Variants in P3H2 observed in about 807,000 individuals in gnomAD.
P3H2 encodes prolyl 3-hydroxylase 2.
Under a neutral mutation model 87.0 loss-of-function variants are expected in P3H2, and 80 were observed. That is an observed-to-expected ratio of 0.92 (90% CI 0.77 to 1.11). P3H2 has a LOEUF of 1.11. Ranked by LOEUF, P3H2 falls within the 50% of genes least tolerant of loss-of-function variation. The probability of loss-of-function intolerance (pLI) is 0.00; values close to 1 mark genes in which losing one functional copy is unlikely to be tolerated. For missense variants in P3H2, 1,001 were observed against 923.9 expected, an observed-to-expected ratio of 1.08 and a Z score of -1.08; for synonymous variants, 367 against 359.3, an observed-to-expected ratio of 1.02 and a Z score of -0.24.
At chr3:190,098,756 G>A (rs1003680037) in intron 1 of P3H2, among the ~76,000 whole-genome samples, 13 of 152,122 alleles carry the variant, frequency 8.5e-5, no homozygotes, top group African/African-American at 1.7e-4. Flanking sequence ...AACAGTTTCA[G>A]ACTTAACAAT....
chr3:190,090,374 A>T (rs933293712), intron 1 of P3H2, among the ~76,000 whole-genome samples: 4 of 152,172 alleles, frequency 2.6e-5, no homozygotes, highest in Non-Finnish European at 5.9e-5. Flanking sequence ...TATTTTTCAC[A>T]GTTCTCACTG....
At chr3:190,028,286 C>CT (rs754919655) in intron 1 of P3H2, among the ~76,000 whole-genome samples, 32 of 152,160 alleles carry the variant, frequency 2.1e-4, no homozygotes, top group Non-Finnish European at 3.5e-4. Context: ...AATTTTTAGG[C>CT]TGGCCTCTCA....
At position 189,957,699 on chromosome 3, in the gene P3H2, GAA is replaced by G; in HGVS notation, c.*211_*212del. ...CAACATGGTTAGACCATGTCTCTAA[GAA>G]GAGAGAGAGAGAGAGAGAGAGAGAA... is the stretch of plus-strand genomic sequence containing the variant. On this transcript the variant is annotated 3_prime_UTR_variant, in exon 15 of 15. Coordinates refer to ENST00000319332, the MANE Select transcript of P3H2 (RefSeq NM_018192.4). The G allele has an allele frequency of 2.4e-6, 1 of 409,964 alleles. No individual in the cohort carries two copies. The highest frequency in any genetic ancestry group is 4.2e-5 in the Admixed American group (1 of 23,904). 25.4% of individuals were successfully genotyped at this position (409,964 alleles called of 1,614,324 possible). A position where few individuals can be genotyped will look rare whatever the true frequency, so the allele number is the denominator to read the frequency against.
At position 190,007,965 on chromosome 3, in the gene P3H2, C is replaced by CACACACACACACACACATATATAT; in HGVS notation, c.481-12524_481-12523insATATATATGTGTGTGTGTGTGTGT. 2.2e-3 allele frequency among the ~76,000 whole-genome samples: 210 copies of CACACACACACACACACATATATAT among 94,342 alleles called. 3 individuals are homozygous for CACACACACACACACACATATATAT. Among genetic ancestry groups the CACACACACACACACACATATATAT allele is most frequent in the African/African-American group, 7.6e-3 (196 of 25,622 alleles). 61.9% of individuals were successfully genotyped at this position (94,342 alleles called of 152,430 possible). On this transcript the variant is annotated intron_variant, in intron 1 of 14. Coordinates refer to ENST00000319332, the MANE Select transcript of P3H2 (RefSeq NM_018192.4). ...GCCTGAGACTCTATTTGTTGACACACATATATATATATATATATATAGTAA... is the reference window on the plus strand; with the variant it reads ...GCCTGAGACTCTATTTGTTGACACACACACACACACACACACATATATATATATATATATATATATATATAGTAA...
At chr3:190,066,158 T>TATATATACAC (rs1256956930) in intron 1 of P3H2, among the ~76,000 whole-genome samples, 1 of 134,600 alleles carries the variant, frequency 7.4e-6, no homozygotes, top group African/African-American at 3.1e-5. Flanking sequence ...TATATATATA[T>TATATATACAC]ACACACACAC....
In P3H2 at chr3:190,120,451, A is replaced by G; in HGVS notation, c.281T>C (p.Leu94Pro). The G allele has an allele frequency of 7.0e-7, 1 of 1,427,168 alleles. No individual in the cohort carries two copies. The highest frequency in any genetic ancestry group is 9.1e-7 in the Non-Finnish European group (1 of 1,101,380). The allele number at this position is 1,427,168 out of a possible 1,614,324, so 88.4% of individuals were successfully genotyped here. ...GCCCTCGCCGGGGGGCGGGGGCGGG[A>G]GCGGGTGGCGCGCCGCGCAGTGGCG... Reference protein sequence around the residue: ...CARHCAARHPLPPPPPGEGPG... With the variant: ...CARHCAARHPPPPPPPGEGPG... Residue 94 changes from leucine (L) to proline (P), a missense_variant, in exon 1 of 15, where the codon CTC becomes CCC. Coordinates refer to ENST00000319332, the MANE Select transcript of P3H2 (RefSeq NM_018192.4).
At chr3:189,981,702 G>T (rs915073893) in intron 8 of P3H2, among the ~76,000 whole-genome samples, 3 of 152,026 alleles carry the variant, frequency 2.0e-5, no homozygotes, top group African/African-American at 7.2e-5. Flanking sequence ...GTAGCCAGGG[G>T]AAAAAAATGC....
intron 1 of P3H2, among the ~76,000 whole-genome samples, chr3:190,110,462 G>C (rs576335090): frequency 2.6e-5 from 4 of 152,156 alleles, no homozygotes; most frequent in Non-Finnish European, 5.9e-5. Context: ...TGAGCCCTTG[G>C]TAATCCTATA....
intron 8 of P3H2, among the ~76,000 whole-genome samples, chr3:189,976,705 A>G (rs1188096474): frequency 2.6e-5 from 4 of 152,214 alleles, no homozygotes; most frequent in South Asian, 2.1e-4. Flanking sequence ...AACTGTGCCC[A>G]TTGAACTGTG....
rs547467057 is a variant in P3H2 at position 190,007,878 on chromosome 3, C to T, written c.481-12436G>A. Reference sequence around the variant, plus strand: ...ATGGGACACTGTATTTCACATTTTTCAAACTCTTTCGGCCAAAAACCTTCT... The same window carrying T: ...ATGGGACACTGTATTTCACATTTTTTAAACTCTTTCGGCCAAAAACCTTCT... On this transcript the variant is annotated intron_variant, in intron 1 of 14. Transcript: ENST00000319332. Among the ~76,000 whole-genome samples the T allele has an allele frequency of 6.1e-4, 89 of 146,452 alleles. No individual in the cohort carries two copies. The South Asian group carries it at 0.019, about 31-fold the overall frequency.
chr3:190,056,006 T>A (rs990637635), intron 1 of P3H2, among the ~76,000 whole-genome samples: 4 of 152,166 alleles, frequency 2.6e-5, no homozygotes, highest in Non-Finnish European at 5.9e-5. Flanking sequence ...GTACTTCACG[T>A]TAAATGAGGT....
intron 1 of P3H2, among the ~76,000 whole-genome samples, chr3:190,047,880 T>TA (rs1320315017): frequency 1.2e-4 from 18 of 152,206 alleles, no homozygotes; most frequent in Admixed American, 1.2e-3. Context: ...GTAGGGAGAC[T>TA]ACAGTTAACA....
At chr3:189,959,716 T>C (rs868245525) in intron 14 of P3H2, among the ~76,000 whole-genome samples, 3 of 152,094 alleles carry the variant, frequency 2.0e-5, no homozygotes, top group Non-Finnish European at 4.4e-5. Flanking sequence ...CATTAATCCA[T>C]CAGCAGGTGC....
At chr3:190,010,485 GTTAT>G (rs1460502395) in intron 1 of P3H2, among the ~76,000 whole-genome samples, 1 of 152,106 alleles carries the variant, frequency 6.6e-6, no homozygotes, top group Non-Finnish European at 1.5e-5. Context: ...TTTTTGGTTT[GTTAT>G]TTGTTTGTTT....
At chr3:189,996,771 T>TA (rs896905052) in intron 1 of P3H2, among the ~76,000 whole-genome samples, 1 of 152,072 alleles carries the variant, frequency 6.6e-6, no homozygotes, top group Non-Finnish European at 1.5e-5. Flanking sequence ...ACAAAACTTT[T>TA]AAAAAAATTA....
intron 3 of P3H2, 132 bp from the exon 4 acceptor site, chr3:189,989,170 T>C (rs911313950): frequency 2.7e-6 from 3 of 1,102,594 alleles, no homozygotes; most frequent in Non-Finnish European, 4.0e-6. Flanking sequence ...AATCCTCACT[T>C]CCGGACTGCA....
intron 1 of P3H2, among the ~76,000 whole-genome samples, chr3:190,094,937 C>A (rs1042172990): frequency 2.0e-5 from 3 of 151,984 alleles, no homozygotes; most frequent in East Asian, 3.9e-4. Context: ...GTCATTGTAT[C>A]GAGACAATTC....
chr3:190,089,177 C>G (rs572425241), intron 1 of P3H2, among the ~76,000 whole-genome samples: 58 of 152,198 alleles, frequency 3.8e-4, no homozygotes, highest in African/African-American at 1.4e-3. Context: ...AATGAGAACA[C>G]TTGGACACAG....
chr3:190,019,661 GC>G (rs1282450945), intron 1 of P3H2, among the ~76,000 whole-genome samples: 2 of 88,984 alleles, frequency 2.2e-5, no homozygotes, highest in African/African-American at 3.4e-5. Flanking sequence ...CCACTCCATT[GC>G]CCCCCTCCTG....
Sources: allele counts gnomAD v4.1 joint callset (sites outside exome capture counted in the v4.1 genomes callset), GRCh38; gene constraint gnomAD v4.1.1; transcripts MANE v1.5; gene names NCBI Gene and HGNC (gene_info 2026-07-23, HGNC 2026-07-21).